Variants in POU6F2 observed in about 807,000 individuals in gnomAD.
POU6F2 encodes POU domain, class 6, transcription factor 2.
In POU6F2, 31 loss-of-function variants were observed where a neutral mutation model predicts 71.3. The observed-to-expected ratio is 0.43, with a 90% confidence interval of 0.33 to 0.59. The LOEUF is 0.59. POU6F2 is among the 20% of genes least tolerant of loss of function. POU6F2 has a pLI of 0.04. For synonymous variants in POU6F2, 347 were observed against 355.7 expected (o/e 0.98, Z 0.27); for missense variants, 783 against 856.8 (o/e 0.91, Z 1.07).
intron 2 of POU6F2, among the ~76,000 whole-genome samples, chr7:39,096,346 A>G (rs1169704500): frequency 6.6e-6 from 1 of 152,160 alleles, no homozygotes; most frequent in African/African-American, 2.4e-5. Flanking sequence ...AAGATGCACG[A>G]GGGTTTTCCT....
chr7:39,434,400 T>C (rs1343799208), intron 7 of POU6F2, among the ~76,000 whole-genome samples: 5 of 152,006 alleles, frequency 3.3e-5, no homozygotes, highest in Non-Finnish European at 7.4e-5. Context: ...GTTACCTCAT[T>C]TGTAAAGTGG....
At chr7:39,122,704 ATTT>A (rs1199309217) in intron 2 of POU6F2, among the ~76,000 whole-genome samples, 2 of 117,130 alleles carry the variant, frequency 1.7e-5, no homozygotes, top group Non-Finnish European at 1.8e-5. Context: ...ATGCATGCCT[ATTT>A]TTTTTTTTTT....
At chr7:39,047,764 A>T (rs991834618) in intron 1 of POU6F2, among the ~76,000 whole-genome samples, 1 of 151,964 alleles carries the variant, frequency 6.6e-6, no homozygotes, top group African/African-American at 2.4e-5. Flanking sequence ...TCATGAATGC[A>T]TGTGGAATTT....
intron 1 of POU6F2, among the ~76,000 whole-genome samples, chr7:39,033,245 G>A (rs920622967): frequency 1.3e-5 from 2 of 152,152 alleles, no homozygotes; most frequent in East Asian, 1.9e-4. Context: ...GCTACCCGGC[G>A]AACTGATATA....
At chr7:39,356,338 T>C (rs1277911274) in intron 5 of POU6F2, among the ~76,000 whole-genome samples, 1 of 152,126 alleles carries the variant, frequency 6.6e-6, no homozygotes, top group Non-Finnish European at 1.5e-5. Flanking sequence ...GCTTTGCTGG[T>C]CCATGCCCCT....
chr7:39,386,576 T>A (rs1299030769), intron 5 of POU6F2, among the ~76,000 whole-genome samples: 1 of 152,172 alleles, frequency 6.6e-6, no homozygotes, highest in Non-Finnish European at 1.5e-5. Flanking sequence ...AGCAAATGTT[T>A]CAGGATGGCT....
chr7:39,211,832 T>C (rs936646204), intron 4 of POU6F2, among the ~76,000 whole-genome samples: 1 of 152,102 alleles, frequency 6.6e-6, no homozygotes, highest in African/African-American at 2.4e-5. Context: ...ATGACCCATC[T>C]CCCTGTCTTC....
At chr7:39,353,650 C>T (rs1583545628) in intron 5 of POU6F2, among the ~76,000 whole-genome samples, 2 of 152,090 alleles carry the variant, frequency 1.3e-5, no homozygotes, top group Non-Finnish European at 2.9e-5. Context: ...CTGCCTGGGA[C>T]GTTTTGAGAG....
In POU6F2 at chr7:39,066,212, G is replaced by A. The variant is rs531195304; in HGVS notation, c.106-19648G>A. On this transcript the variant is annotated intron_variant, in intron 1 of 9. Coordinates refer to ENST00000518318, the MANE Select transcript of POU6F2 (RefSeq NM_001370959.1). The stretch of plus-strand genomic sequence containing the variant: ...CATTTCTGGTTTAATTTTTTTGGAT[G>A]AATTGGAAGTTTCTTACCTGACAAA... Among the ~76,000 whole-genome samples the A allele has an allele frequency of 4.9e-4, 74 of 151,842 alleles. No homozygotes were observed. The South Asian group carries it at 9.5e-3, about 20-fold the overall frequency.
intron 1 of POU6F2, among the ~76,000 whole-genome samples, chr7:39,080,463 T>C (rs12535553): frequency 0.067 from 10,196 of 152,270 alleles, 608 homozygotes; most frequent in African/African-American, 0.16. Flanking sequence ...TGTAGGTAAT[T>C]TGTTTCTATC....
intron 1 of POU6F2, among the ~76,000 whole-genome samples, chr7:38,985,386 G>A (rs1788437686): frequency 6.6e-6 from 1 of 151,988 alleles, no homozygotes; most frequent in Non-Finnish European, 1.5e-5. Context: ...CATCATTATG[G>A]TCAGGGCGAA....
At chr7:39,455,734 A>G (rs935521678) in intron 8 of POU6F2, among the ~76,000 whole-genome samples, 2 of 151,748 alleles carry the variant, frequency 1.3e-5, no homozygotes, top group Non-Finnish European at 2.9e-5. Context: ...AAAAACAAAC[A>G]AACAGCAAAA....
intron 1 of POU6F2, among the ~76,000 whole-genome samples, chr7:39,027,310 G>A (rs1437562506): frequency 1.3e-5 from 2 of 152,128 alleles, no homozygotes; most frequent in African/African-American, 4.8e-5. Flanking sequence ...CATCAAGCAG[G>A]TGTTCTTTAA....
At chr7:39,431,648 T>C (rs567056239) in intron 6 of POU6F2, among the ~76,000 whole-genome samples, 1 of 152,280 alleles carries the variant, frequency 6.6e-6, no homozygotes, top group East Asian at 1.9e-4. Flanking sequence ...AGCGAGCACG[T>C]GGGGTCAGCC....
At chr7:39,106,239 G>A (rs1443615204) in intron 2 of POU6F2, among the ~76,000 whole-genome samples, 1 of 152,172 alleles carries the variant, frequency 6.6e-6, no homozygotes, top group African/African-American at 2.4e-5. Context: ...ATATTTACCA[G>A]GATCTGGCTA....
chr7:39,309,300 G>T (rs1347259779), intron 4 of POU6F2, among the ~76,000 whole-genome samples: 4 of 152,214 alleles, frequency 2.6e-5, no homozygotes, highest in African/African-American at 4.8e-5. Context: ...CCATTGTCAC[G>T]CTGGGTAGAC....
chr7:39,196,412 GA>G (rs34189892), intron 2 of POU6F2, among the ~76,000 whole-genome samples: 2 of 152,128 alleles, frequency 1.3e-5, no homozygotes, highest in Non-Finnish European at 1.5e-5. Context: ...TCTTATTGGG[GA>G]AAAAAAGCCA....
chr7:39,205,311 T>TCCC (rs1327246125), intron 3 of POU6F2, among the ~76,000 whole-genome samples: 3 of 152,130 alleles, frequency 2.0e-5, no homozygotes, highest in Admixed American at 6.5e-5. Context: ...GTTCATGTAA[T>TCCC]TATGTGTGTC....
At chr7:38,989,799 GTT>G (rs1788555543) in intron 1 of POU6F2, among the ~76,000 whole-genome samples, 1 of 138,594 alleles carries the variant, frequency 7.2e-6, no homozygotes, top group African/African-American at 2.7e-5. Flanking sequence ...TTCTGTGTGT[GTT>G]TGTGTGTGTG....
Sources: allele counts gnomAD v4.1 joint callset (sites outside exome capture counted in the v4.1 genomes callset), GRCh38; gene constraint gnomAD v4.1.1; transcripts MANE v1.5; gene names NCBI Gene and HGNC (gene_info 2026-07-23, HGNC 2026-07-21).